The following DNER variants were observed in gnomAD, a reference collection of about 807,000 sequenced individuals.
DNER encodes delta and Notch-like epidermal growth factor-related receptor.
Under a neutral mutation model 78.2 loss-of-function variants are expected in DNER, and 33 were observed. The observed-to-expected ratio is 0.42, with a 90% CI of 0.32 to 0.56. The LOEUF (loss-of-function observed/expected upper bound fraction) is 0.56. DNER is among the 20% of genes least tolerant of loss of function. The probability of loss-of-function intolerance (pLI) is 0.11; values close to 1 mark genes in which losing one functional copy is unlikely to be tolerated. For missense variants in DNER, 918 were observed against 975.3 expected (o/e 0.94, Z 0.78); for synonymous variants, 417 against 384.8 (o/e 1.08, Z -0.98).
intron 11 of DNER, among the ~76,000 whole-genome samples, chr2:229,377,996 A>G (rs1692646682): frequency 6.6e-6 from 1 of 152,184 alleles, no homozygotes; most frequent in South Asian, 2.1e-4. Context: ...AAGAGTCCTA[A>G]TAAGTGAAAG....
At chr2:229,549,643 G>A (rs1696691821) in intron 4 of DNER, among the ~76,000 whole-genome samples, 1 of 152,068 alleles carries the variant, frequency 6.6e-6, no homozygotes, top group East Asian at 1.9e-4. Flanking sequence ...CGGGCATGGT[G>A]GCTCATGCCT....
intron 5 of DNER, among the ~76,000 whole-genome samples, chr2:229,529,821 A>C (rs1473551568): frequency 6.6e-6 from 1 of 152,218 alleles, no homozygotes; most frequent in Non-Finnish European, 1.5e-5. Flanking sequence ...CAGCCTGGGC[A>C]ACATAGGGAT....
rs546455051 is a variant in DNER, at chr2:229,507,978, C to T, written c.1147+4805G>A. ...AAGAACATATTTACAATTTGTATAA[C>T]AAATTATTAGTATCAAAAATAAAGA... On this transcript the variant is annotated intron_variant, in intron 6 of 12. Transcript: ENST00000341772. Among the ~76,000 whole-genome samples, 4 of 152,186 alleles carry T rather than the reference C, an allele frequency of 2.6e-5. No individual in the cohort carries two copies. In the East Asian group the frequency reaches 7.7e-4, roughly 29 times the overall value.
chr2:229,479,572 G>C (rs1695109074), intron 6 of DNER, among the ~76,000 whole-genome samples: 2 of 152,040 alleles, frequency 1.3e-5, no homozygotes, highest in African/African-American at 2.4e-5. Context: ...AATTAGCCAA[G>C]TGTGGTGGCA....
chr2:229,390,529 A>T (rs527647406), intron 10 of DNER, among the ~76,000 whole-genome samples: 4 of 152,324 alleles, frequency 2.6e-5, no homozygotes, highest in Non-Finnish European at 4.4e-5. Flanking sequence ...GGTCCCTAGA[A>T]TTGTCTGTTC....
At chr2:229,536,085 C>T (rs1262396892) in intron 5 of DNER, among the ~76,000 whole-genome samples, 1 of 152,200 alleles carries the variant, frequency 6.6e-6, no homozygotes, top group Non-Finnish European at 1.5e-5. Flanking sequence ...GGAGTGGGTG[C>T]AGAGGACCGA....
At chr2:229,550,857 T>C (rs2154213327) in intron 4 of DNER, among the ~76,000 whole-genome samples, 1 of 152,312 alleles carries the variant, frequency 6.6e-6, no homozygotes, top group East Asian at 1.9e-4. Context: ...CCCACGTTGG[T>C]TCACCTTGCC....
rs1559152098 is a variant in DNER, at chr2:229,508,108, C to T, written c.1147+4675G>A. ...ATTAGTGTTCAGCAGACTACAGAGG[C>T]CATAATGAGACTCCTTTTTATACCT... On this transcript the variant is annotated intron_variant, in intron 6 of 12. Transcript: ENST00000341772. Among the ~76,000 whole-genome samples the T allele has an allele frequency of 2.6e-5, 4 of 152,072 alleles. No homozygotes were observed. In the South Asian group the frequency reaches 8.3e-4, roughly 32 times the overall value.
intron 1 of DNER, among the ~76,000 whole-genome samples, chr2:229,700,123 A>G (rs1699719874): frequency 6.6e-6 from 1 of 152,108 alleles, no homozygotes; most frequent in Non-Finnish European, 1.5e-5. Context: ...AATTAAACCA[A>G]TTAAATATCA....
At chr2:229,397,539 C>A (rs1191569513) in intron 10 of DNER, among the ~76,000 whole-genome samples, 1 of 150,166 alleles carries the variant, frequency 6.7e-6, no homozygotes, top group Non-Finnish European at 1.5e-5. Context: ...CTTCCACCCT[C>A]CAAAGCACCT....
chr2:229,420,093 C>T (rs544358467), intron 8 of DNER, among the ~76,000 whole-genome samples: 1 of 151,726 alleles, frequency 6.6e-6, no homozygotes, highest in South Asian at 2.1e-4. Flanking sequence ...GAAATCTATC[C>T]CAGCCTGTTT....
intron 6 of DNER, among the ~76,000 whole-genome samples, chr2:229,487,671 C>A (rs926433803): frequency 6.6e-6 from 1 of 152,186 alleles, no homozygotes; most frequent in Non-Finnish European, 1.5e-5. Flanking sequence ...GTAAATCAAA[C>A]TCTAAAGAAG....
intron 9 of DNER, among the ~76,000 whole-genome samples, chr2:229,416,658 G>A (rs1459857479): frequency 5.3e-5 from 8 of 152,176 alleles, no homozygotes; most frequent in Admixed American, 5.2e-4. Context: ...TAAGCTGAAG[G>A]ATTTTTTTGG....
At chr2:229,418,418 C>T (rs1004018188) in intron 8 of DNER, among the ~76,000 whole-genome samples, 188 bp from the exon 9 acceptor site, 3 of 152,090 alleles carry the variant, frequency 2.0e-5, no homozygotes, top group African/African-American at 7.2e-5. Flanking sequence ...GAAGAAAGCG[C>T]CTGTTCTTAT....
At chr2:229,702,966 C>A in intron 1 of DNER, among the ~76,000 whole-genome samples, 1 of 147,258 alleles carries the variant, frequency 6.8e-6, no homozygotes, top group Admixed American at 6.8e-5. Flanking sequence ...GTGTAAAATT[C>A]TACCCTGTTT....
chr2:229,397,264 G>T (rs574023052), intron 10 of DNER, among the ~76,000 whole-genome samples: 67 of 152,122 alleles, frequency 4.4e-4, no homozygotes, highest in African/African-American at 1.5e-3. Flanking sequence ...CAACATGATT[G>T]TGAGCTCTCT....
chr2:229,641,535 G>A (rs989505846), intron 1 of DNER, among the ~76,000 whole-genome samples: 1 of 108,042 alleles, frequency 9.3e-6, no homozygotes, highest in Non-Finnish European at 1.7e-5. Flanking sequence ...ACACACACTT[G>A]CTCACCTAGT....
chr2:229,488,077 C>T (rs1262389695), intron 6 of DNER, among the ~76,000 whole-genome samples: 1 of 152,232 alleles, frequency 6.6e-6, no homozygotes, highest in South Asian at 2.1e-4. Flanking sequence ...TAAGGTCTCT[C>T]CTCCCTTCTC....
At chr2:229,473,715 C>T (rs1465973511) in intron 7 of DNER, among the ~76,000 whole-genome samples, 2 of 152,014 alleles carry the variant, frequency 1.3e-5, no homozygotes, top group Admixed American at 6.6e-5. Flanking sequence ...ATTCCCTTTC[C>T]TCAAAGAATA....
Sources: gnomAD v4.1 joint callset for allele counts (sites outside exome capture counted in the v4.1 genomes callset) on GRCh38, gnomAD v4.1.1 for gene constraint, MANE v1.5 for transcripts, NCBI Gene and HGNC (gene_info 2026-07-23, HGNC 2026-07-21) for gene names.